The following NRG3 variants were observed in gnomAD, a reference collection of about 807,000 sequenced individuals.
NRG3 encodes the protein pro-neuregulin-3, membrane-bound isoform.
Under a neutral mutation model 66.9 loss-of-function variants are expected in NRG3, and 31 were observed. That is an observed-to-expected ratio of 0.46 (90% CI 0.35 to 0.63). The LOEUF (loss-of-function observed/expected upper bound fraction) is 0.63, where lower values mean the gene tolerates loss of function less well. Among genes scored for constraint, NRG3 ranks in the 20% least tolerant of loss-of-function variants. NRG3 has a pLI of 0.00. For synonymous variants in NRG3, 393 were observed against 359.4 expected (o/e 1.09, Z -1.06); for missense variants, 910 against 878.9 (o/e 1.04, Z -0.45).
chr10:82,822,014 G>A (rs1182622034), intron 3 of NRG3, among the ~76,000 whole-genome samples: 1 of 152,114 alleles, frequency 6.6e-6, no homozygotes, highest in Non-Finnish European at 1.5e-5. Context: ...TATAGCAGCA[G>A]CCAGTATGGT....
chr10:82,601,740 T>C (rs1295299049), intron 2 of NRG3, among the ~76,000 whole-genome samples: 1 of 151,482 alleles, frequency 6.6e-6, no homozygotes, highest in Non-Finnish European at 1.5e-5. Flanking sequence ...TAGAGTGTGG[T>C]GGCTCACACA....
intron 1 of NRG3, among the ~76,000 whole-genome samples, chr10:82,230,884 A>T (rs550697390): frequency 6.6e-6 from 1 of 152,318 alleles, no homozygotes; most frequent in South Asian, 2.1e-4. Flanking sequence ...TGATTTATTA[A>T]ATAACATAGC....
At chr10:82,158,431 G>T (rs2071337445) in intron 1 of NRG3, among the ~76,000 whole-genome samples, 1 of 151,728 alleles carries the variant, frequency 6.6e-6, no homozygotes, top group African/African-American at 2.4e-5. Context: ...ATGTCTGTGT[G>T]TATGTCTATG....
At chr10:82,194,256 T>C (rs1251464818) in intron 1 of NRG3, among the ~76,000 whole-genome samples, 1 of 152,088 alleles carries the variant, frequency 6.6e-6, no homozygotes, top group Non-Finnish European at 1.5e-5. Flanking sequence ...GAAGACAGCA[T>C]GCACAGATGA....
intron 4 of NRG3, among the ~76,000 whole-genome samples, chr10:82,931,884 G>A (rs1847611470): frequency 1.3e-5 from 2 of 152,174 alleles, no homozygotes; most frequent in South Asian, 4.1e-4. Context: ...GTTACAGCAT[G>A]TGTTTGAGTC....
chr10:82,699,966 T>G (rs2055732776), intron 2 of NRG3, among the ~76,000 whole-genome samples: 1 of 151,932 alleles, frequency 6.6e-6, no homozygotes, highest in South Asian at 2.1e-4. Flanking sequence ...AAAATAATAA[T>G]TCAGGAAAAA....
intron 2 of NRG3, among the ~76,000 whole-genome samples, chr10:82,402,287 G>C (rs2087158812): frequency 6.6e-6 from 1 of 152,038 alleles, no homozygotes; most frequent in African/African-American, 2.4e-5. Flanking sequence ...TGTCACTTCT[G>C]TTAACCACAA....
chr10:82,848,528 T>G (rs547147580), intron 3 of NRG3, among the ~76,000 whole-genome samples: 1 of 152,326 alleles, frequency 6.6e-6, no homozygotes, highest in Admixed American at 6.5e-5. Flanking sequence ...TTGTCTCACA[T>G]CGGACTTTGG....
intron 1 of NRG3, among the ~76,000 whole-genome samples, chr10:82,243,926 G>C (rs190065410): frequency 6.6e-6 from 1 of 152,242 alleles, no homozygotes; most frequent in East Asian, 1.9e-4. Context: ...ATTTCTGCTT[G>C]AGGTGAAGAT....
At chr10:82,394,099 A>G (rs1354882503) in intron 2 of NRG3, among the ~76,000 whole-genome samples, 1 of 152,034 alleles carries the variant, frequency 6.6e-6, no homozygotes, top group Non-Finnish European at 1.5e-5. Context: ...CCCCCTCCAT[A>G]ACATCACACT....
chr10:82,803,447 T>C (rs549480020), intron 3 of NRG3, among the ~76,000 whole-genome samples: 1 of 152,332 alleles, frequency 6.6e-6, no homozygotes, highest in South Asian at 2.1e-4. Flanking sequence ...CAGAAGTATG[T>C]GTATTTCATC....
intron 4 of NRG3, among the ~76,000 whole-genome samples, chr10:82,943,491 T>C (rs189770735): frequency 2.0e-5 from 3 of 152,298 alleles, no homozygotes; most frequent in Admixed American, 6.5e-5. Flanking sequence ...GAACCCAAGG[T>C]CATTGATTTA....
intron 2 of NRG3, among the ~76,000 whole-genome samples, chr10:82,480,946 T>C (rs1332342410): frequency 6.6e-6 from 1 of 152,226 alleles, no homozygotes; most frequent in African/African-American, 2.4e-5. Context: ...ACATCCTGAC[T>C]TGAGCTTAAT....
At chr10:82,179,095 T>G (rs2073236280) in intron 1 of NRG3, among the ~76,000 whole-genome samples, 1 of 151,974 alleles carries the variant, frequency 6.6e-6, no homozygotes, top group African/African-American at 2.4e-5. Flanking sequence ...AATTGGAGCT[T>G]TTTTTGCTAC....
chr10:82,766,982 G>T, intron 3 of NRG3, among the ~76,000 whole-genome samples: 1 of 146,170 alleles, frequency 6.8e-6, no homozygotes. Flanking sequence ...TTAATATGTG[G>T]ATATATTGTG....
At chr10:82,688,986 T>C (rs1034313634) in intron 2 of NRG3, among the ~76,000 whole-genome samples, 1 of 152,184 alleles carries the variant, frequency 6.6e-6, no homozygotes, top group Non-Finnish European at 1.5e-5. Flanking sequence ...TGAATCCTGA[T>C]CTTTTAAAGC....
intron 1 of NRG3, among the ~76,000 whole-genome samples, chr10:82,226,809 C>G (rs2076185771): frequency 6.6e-6 from 1 of 152,182 alleles, no homozygotes; most frequent in African/African-American, 2.4e-5. Flanking sequence ...AATTCCCCAT[C>G]TATTGGACTC....
At chr10:82,639,710 T>C (rs1297258010) in intron 2 of NRG3, among the ~76,000 whole-genome samples, 1 of 152,226 alleles carries the variant, frequency 6.6e-6, no homozygotes, top group Non-Finnish European at 1.5e-5. Context: ...TAACCCCCTT[T>C]TAAGATTTTC....
intron 2 of NRG3, among the ~76,000 whole-genome samples, chr10:82,650,289 G>A (rs60950762): frequency 0.11 from 16,163 of 152,204 alleles, 1,039 homozygotes; most frequent in Middle Eastern, 0.27. Context: ...TTCCTAGGCT[G>A]CTATTCATTA....
Sources: allele counts gnomAD v4.1 joint callset (sites outside exome capture counted in the v4.1 genomes callset), GRCh38; gene constraint gnomAD v4.1.1; transcripts MANE v1.5; gene names NCBI Gene and HGNC (gene_info 2026-07-23, HGNC 2026-07-21).